ZNF850: variants seen among roughly 807,000 people sequenced by gnomAD.
The protein encoded by ZNF850 is putative zinc finger protein ENSP00000330994.
A neutral mutation model predicts 11.9 loss-of-function variants in ZNF850; 2 were observed. The observed-to-expected ratio is 0.17, with a 90% CI of 0.07 to 0.53. ZNF850 has a LOEUF of 0.53. Ranked by LOEUF, ZNF850 falls within the 20% of genes least tolerant of loss-of-function variation. ZNF850 has a pLI of 0.94. For missense variants in ZNF850, 1,014 were observed against 1,316.4 expected (o/e 0.77, Z 3.55); for synonymous variants, 381 against 443.0 (o/e 0.86, Z 1.76).
chr19:36,752,126 TAA>T (rs10595224), intron 4 of ZNF850, among the ~76,000 whole-genome samples: 36,318 of 152,010 alleles, frequency 0.24, 4,412 homozygotes, highest in South Asian at 0.35. Context: ...ATTGGCAGTA[TAA>T]GAGTGCAATC....
rs1449804125 is a variant in ZNF850 at position 36,746,264 on chromosome 19, A to T, written c.*1503T>A. The T allele has an allele frequency of 6.6e-6, 1 of 152,218 alleles. No homozygotes were observed. The allele number at this position is 152,218 out of a possible 1,614,324, so 9.4% of individuals were successfully genotyped here. ...CTTTCTCATTGTTGTTATATCTGTT[A>T]TGGTGGCCTATGATTATCTTAGGCA... is the stretch of plus-strand genomic sequence containing the variant. On this transcript the variant is annotated 3_prime_UTR_variant, in exon 5 of 5. Transcript: ENST00000591344.
chr19:36,750,597 G>C lies in ZNF850; in HGVS notation c.443C>G (p.Thr148Arg). 6.5e-7 allele frequency: 1 copy of C among 1,536,124 alleles called. No individual in the cohort carries two copies. Among genetic ancestry groups the C allele is most frequent in the Non-Finnish European group, 8.7e-7 (1 of 1,146,916 alleles). The change falls in exon 5 of 5, where the codon ACA becomes AGA. Residue 148 changes from threonine (T) to arginine (R), a missense_variant. Physicochemically the swap from Thr to Arg is moderately conservative, Grantham distance 71 (BLOSUM62 -1). Coordinates refer to ENST00000591344, the MANE Select transcript of ZNF850 (RefSeq NM_001193552.2). The part of the protein sequence containing the change: ...LEKAIMTYET[T>R]PTFCLQTSLT... ...AGATGTCTGTAGGCAGAAAGTTGGT[G>C]TTGTTTCATAAGTCATTATTGCTTT...
chr19:36,770,728 A>G (rs1368578981), intron 1 of ZNF850, among the ~76,000 whole-genome samples: 13 of 128,984 alleles, frequency 1.0e-4, no homozygotes, highest in African/African-American at 2.7e-4. Flanking sequence ...AAAAAAAAAA[A>G]AAAAAAAAAA....
intron 4 of ZNF850, among the ~76,000 whole-genome samples, chr19:36,755,906 C>CTTTTTT (rs5827965): frequency 8.5e-6 from 1 of 118,068 alleles, no homozygotes; most frequent in African/African-American, 3.1e-5. Context: ...AGTTTTTAGC[C>CTTTTTT]TTTTTTTTTT....
At chr19:36,767,541 G>A (rs1305255190) in intron 1 of ZNF850, among the ~76,000 whole-genome samples, 2 of 151,454 alleles carry the variant, frequency 1.3e-5, no homozygotes, top group East Asian at 1.9e-4. Context: ...TGGGCAACAC[G>A]AGTGAAACTC....
rs61386433 is a variant in ZNF850, at chr19:36,748,914, G to T, written c.2126C>A (p.Ser709Tyr). The T allele has an allele frequency of 1.9e-3, 3,004 of 1,566,110 alleles. 54 individuals are homozygous for T. In the African/African-American group the frequency reaches 0.034, roughly 18 times the overall value. Residue 709 changes from serine (S) to tyrosine (Y), a missense_variant, in exon 5 of 5, where the codon TCT becomes TAT. Ser to Tyr is a moderately radical substitution (Grantham distance 144). Transcript: ENST00000591344. ...KPYECKECGK[S>Y]FTFCSGLIQH... is the part of the protein sequence containing the mutation. ...AATTAGTCCTGAGCAGAAAGTAAAA[G>T]ATTTCCCACATTCTTTACATTCATA...
In ZNF850 at chr19:36,759,059, G is replaced by C. The variant is rs1272681722; in HGVS notation, c.235+2584C>G. ...GATCGTGCCACAGCACTCCAGCCTG[G>C]CAACAGAGCAAGACTCCGTCTAAAA... On this transcript the variant is annotated intron_variant, in intron 4 of 4. Transcript: ENST00000591344. Among the ~76,000 whole-genome samples, 3 of 150,624 alleles carry C rather than the reference G, an allele frequency of 2.0e-5. No homozygotes were observed. In the East Asian group the frequency reaches 5.8e-4, roughly 29 times the overall value.
At chr19:36,757,681 T>C (rs950864528) in intron 4 of ZNF850, among the ~76,000 whole-genome samples, 9 of 151,794 alleles carry the variant, frequency 5.9e-5, no homozygotes, top group African/African-American at 2.2e-4. Context: ...TAATTTTTTG[T>C]GTGTTTGTTT....
chr19:36,764,370 C>A (rs540178737), intron 1 of ZNF850, among the ~76,000 whole-genome samples: 1 of 152,306 alleles, frequency 6.6e-6, no homozygotes, highest in East Asian at 1.9e-4. Context: ...GACACCTGGT[C>A]ATGGGTCAGA....
chr19:36,770,622 C>G (rs1181071082), intron 1 of ZNF850, among the ~76,000 whole-genome samples: 3 of 143,608 alleles, frequency 2.1e-5, no homozygotes, highest in Non-Finnish European at 3.0e-5. Flanking sequence ...AGAAGAACTG[C>G]TTGAACCCGG....
chr19:36,743,727 A>G lies in ZNF850; in HGVS notation c.*4040T>C, dbSNP rs1338427108. 6.6e-6 allele frequency: 1 copy of G among 152,242 alleles called. No individual in the cohort carries two copies. The highest frequency in any genetic ancestry group is 2.4e-5 in the African/African-American group (1 of 41,472). The allele number at this position is 152,242 out of a possible 1,614,324, so 9.4% of individuals were successfully genotyped here. A position where few individuals can be genotyped will look rare whatever the true frequency, so the allele number is the denominator to read the frequency against. Reference sequence around the variant, plus strand: ...TAAAACAAGAAATGTGTACACTTTTATGCTAAAAATATAAAGACTTACTAA... The same window carrying G: ...TAAAACAAGAAATGTGTACACTTTTGTGCTAAAAATATAAAGACTTACTAA... On this transcript the variant is annotated 3_prime_UTR_variant, in exon 5 of 5. Transcript: ENST00000591344.
At position 36,749,190 on chromosome 19, in the gene ZNF850, T is replaced by A. The variant is rs1314356543; in HGVS notation, c.1850A>T (p.Tyr617Phe). 1.2e-6 allele frequency: 2 copies of A among 1,605,034 alleles called. No homozygotes were observed. The highest frequency in any genetic ancestry group is 4.5e-5 in the East Asian group (2 of 44,628). The stretch of plus-strand genomic sequence containing the variant: ...GGCCTTCCCACATTCCTTACAATCA[T>A]AAGGTTTCTCACCAGTGTGAATTTG... Reference protein sequence around the residue: ...HQQIHTGEKPYDCKECGKAFR... With the variant: ...HQQIHTGEKPFDCKECGKAFR... Residue 617 changes from tyrosine to phenylalanine, a missense_variant, in exon 5 of 5, where the codon TAT becomes TTT. Transcript: ENST00000591344.
Position 36,764,072 on chromosome 19 carries a change from C to T in ZNF850, c.-69-1397G>A, listed in dbSNP as rs77132176. On this transcript the variant is annotated intron_variant, in intron 1 of 4. Coordinates refer to ENST00000591344, the MANE Select transcript of ZNF850 (RefSeq NM_001193552.2). The stretch of plus-strand genomic sequence containing the variant: ...CCATCCCGGCCAACATGGTGAAACC[C>T]CGTCTCCACTAAAAATACAAAAATT... Among the ~76,000 whole-genome samples, 822 of 151,470 alleles carry T rather than the reference C, an allele frequency of 5.4e-3. 21 individuals are homozygous for T. Among genetic ancestry groups the T allele is most frequent in the Admixed American group, 0.037 (560 of 15,178 alleles).
In ZNF850 at chr19:36,750,361, A is replaced by C; in HGVS notation, c.679T>G (p.Cys227Gly). ...ATAAAAGCTTTTCCATATTCTTTAC[A>C]TGCACAGGGCTTTTCCCCAGTATGA... The part of the protein sequence containing the change: ...RIHTGEKPCA[C>G]KEYGKAFISG... Residue 227 changes from cysteine to glycine, a missense_variant, in exon 5 of 5, where the codon TGT becomes GGT. This residue lies in a region of ZNF850 where 835 missense variants were observed against 1,022.0 expected (regional missense o/e 0.82). Transcript: ENST00000591344. 1 of 1,536,526 alleles carries C rather than the reference A, an allele frequency of 6.5e-7. No homozygotes were observed. The highest frequency in any genetic ancestry group is 8.7e-7 in the Non-Finnish European group (1 of 1,146,888).
chr19:36,756,490 A>C (rs1041991097), intron 4 of ZNF850, among the ~76,000 whole-genome samples: 2 of 152,144 alleles, frequency 1.3e-5, no homozygotes, highest in African/African-American at 4.8e-5. Flanking sequence ...ATACATATTG[A>C]TGTGCAACTT....
Position 36,750,652 on chromosome 19 carries a change from G to C in ZNF850, c.388C>G (p.Gln130Glu). The C allele has an allele frequency of 6.5e-7, 1 of 1,536,066 alleles. No individual in the cohort carries two copies. Among genetic ancestry groups the C allele is most frequent in the Non-Finnish European group, 8.7e-7 (1 of 1,146,924 alleles). The change falls in exon 5 of 5, where the codon CAA becomes GAA. Residue 130 changes from glutamine (Q) to glutamate (E), a missense_variant. This residue lies in a region of ZNF850 where 835 missense variants were observed against 1,022.0 expected (regional missense o/e 0.82). Coordinates refer to ENST00000591344, the MANE Select transcript of ZNF850 (RefSeq NM_001193552.2). The part of the protein sequence containing the change: ...DWECKGQFQH[Q>E]DINQERYLEK... ...AAATATCGCTCCTGATTTATATCTT[G>C]GTGCTGAAACTGGCCTTTGCATTCC...
chr19:36,751,093 G>T (rs886777556), intron 4 of ZNF850, among the ~76,000 whole-genome samples: 54 of 144,196 alleles, frequency 3.7e-4, no homozygotes, highest in African/African-American at 1.3e-3. Flanking sequence ...AAAAAAGATG[G>T]TGTACATACA....
intron 1 of ZNF850, among the ~76,000 whole-genome samples, chr19:36,771,639 G>A (rs1236832416): frequency 6.6e-6 from 1 of 152,136 alleles, no homozygotes; most frequent in East Asian, 1.9e-4. Context: ...GACCAATGAG[G>A]GGGTGAAGTT....
chr19:36,745,470 G>C lies in ZNF850; in HGVS notation c.*2297C>G, dbSNP rs947076151. The C allele has an allele frequency of 1.3e-5, 2 of 151,958 alleles. No homozygotes were observed. Among genetic ancestry groups the C allele is most frequent in the African/African-American group, 4.8e-5 (2 of 41,364 alleles). 9.4% of individuals were successfully genotyped at this position (151,958 alleles called of 1,614,324 possible). On this transcript the variant is annotated 3_prime_UTR_variant, in exon 5 of 5. Coordinates refer to ENST00000591344, the MANE Select transcript of ZNF850 (RefSeq NM_001193552.2). The stretch of plus-strand genomic sequence containing the variant: ...CTTATCTAAATTAGTCCTGCCCAGA[G>C]TTCAGAGACCAGCCTGACCAACATG...
Sources: gnomAD v4.1 joint callset for allele counts (sites outside exome capture counted in the v4.1 genomes callset) on GRCh38, gnomAD v4.1.1 for gene constraint, gnomAD v4.1.1 regional missense constraint, MANE v1.5 for transcripts, NCBI Gene and HGNC (gene_info 2026-07-23, HGNC 2026-07-21) for gene names.